The following ADGRB1 variants were observed in gnomAD, a reference collection of about 807,000 sequenced individuals.
ADGRB1 encodes the protein adhesion G protein-coupled receptor B1, also known as brain-specific angiogenesis inhibitor 1.
Under a neutral mutation model 175.7 loss-of-function variants are expected in ADGRB1, and 36 were observed. That is an observed-to-expected ratio of 0.20 (90% CI 0.16 to 0.27). ADGRB1 has a LOEUF of 0.27. Ranked by LOEUF, ADGRB1 falls within the 10% of genes least tolerant of loss-of-function variation. The probability of loss-of-function intolerance (pLI) is 1.00; values close to 1 mark genes in which losing one functional copy is unlikely to be tolerated. For synonymous variants in ADGRB1, 1,054 were observed against 979.4 expected (o/e 1.08, Z -1.42); for missense variants, 1,731 against 2,255.3 (o/e 0.77, Z 4.71).
chr8:142,542,343 A>G lies in ADGRB1; in HGVS notation c.4109A>G (p.Asp1370Gly), dbSNP rs1442718011. The G allele has an allele frequency of 6.3e-7, 1 of 1,597,140 alleles. No individual in the cohort carries two copies. Among genetic ancestry groups the G allele is most frequent in the Admixed American group, 1.7e-5 (1 of 57,642 alleles). The stretch of plus-strand genomic sequence containing the variant: ...GAGCCCAAGTACAGCATCCACATTG[A>G]CCAGATGCCGCAGACCCGCCTCATC... Reference protein sequence around the residue: ...KEEPKYSIHIDQMPQTRLIHL... With the variant: ...KEEPKYSIHIGQMPQTRLIHL... Residue 1370 changes from aspartate to glycine, a missense_variant, in exon 28 of 31, where the codon GAC becomes GGC. Asp to Gly is a moderately conservative substitution (Grantham distance 94). This residue lies in a region of ADGRB1 where 394 missense variants were observed against 410.2 expected (regional missense o/e 0.96). Transcript: ENST00000517894. The surrounding 1 kb of genome is among the most constrained non-coding windows in gnomAD (Gnocchi z 6.3).
At chr8:142,475,798 A>G (rs923400543) in intron 3 of ADGRB1, among the ~76,000 whole-genome samples, 163 bp downstream of exon 3, 1 of 3,854 alleles carries the variant, frequency 2.6e-4, no homozygotes, top group African/African-American at 9.7e-4. Flanking sequence ...GGGACCAGGT[A>G]GGGGCGGGGC....
intron 1 of ADGRB1, among the ~76,000 whole-genome samples, chr8:142,459,362 G>A (rs1839849766): frequency 6.6e-6 from 1 of 152,208 alleles, no homozygotes; most frequent in African/African-American, 2.4e-5. Flanking sequence ...TGTGGCCGAG[G>A]GGAGGAGGGT....
Position 142,477,259 on chromosome 8 carries a change from C to G in ADGRB1, c.1203C>G (p.Asn401Lys). 1 of 1,579,050 alleles carries G rather than the reference C, an allele frequency of 6.3e-7. No individual in the cohort carries two copies. The highest frequency in any genetic ancestry group is 1.1e-5 in the South Asian group (1 of 89,860). The change falls in exon 5 of 31, where the codon AAC becomes AAG. Residue 401 changes from asparagine (N) to lysine (K), a missense_variant. Physicochemically the swap from Asn to Lys is moderately conservative, Grantham distance 94. Coordinates refer to ENST00000517894, the MANE Select transcript of ADGRB1 (RefSeq NM_001702.3). Reference sequence around the variant, plus strand: ...CCCTGCGCGAGCAGCGGCTGTGCAACAACTCTGCCGTGTGCCCAGGTGGGT... The same window carrying G: ...CCCTGCGCGAGCAGCGGCTGTGCAAGAACTCTGCCGTGTGCCCAGGTGGGT... ...SGPLREQRLCNNSAVCPVHGA... is the reference protein window; with the variant it reads ...SGPLREQRLCKNSAVCPVHGA...
rs943315596 is a variant in ADGRB1, at chr8:142,544,206, G to C, written c.4558-14G>C. 3.9e-6 allele frequency: 6 copies of C among 1,547,934 alleles called. No homozygotes were observed. The highest frequency in any genetic ancestry group is 1.2e-5 in the South Asian group (1 of 83,934). Reference sequence around the variant, plus strand: ...CCGGGCCCCACCCCTCCTGCACCACGGGCCACCCAGCAGCCGGAAAAGCAG... The same window carrying C: ...CCGGGCCCCACCCCTCCTGCACCACCGGCCACCCAGCAGCCGGAAAAGCAG... On this transcript the variant is annotated splice_polypyrimidine_tract_variant and intron_variant, in intron 30 of 30. Coordinates refer to ENST00000517894, the MANE Select transcript of ADGRB1 (RefSeq NM_001702.3).
At chr8:142,483,717 C>CA in intron 11 of ADGRB1, among the ~76,000 whole-genome samples, 1 of 82,066 alleles carries the variant, frequency 1.2e-5, no homozygotes, top group Admixed American at 1.4e-4. Flanking sequence ...TGAACCCTGA[C>CA]CCTGGTCACA....
chr8:142,481,378 G>C lies in ADGRB1; in HGVS notation c.1935+18G>C, dbSNP rs370565382. Reference sequence around the variant, plus strand: ...AGATGATGGTGAGGGCCAGTTCCCGGGGGTCTCCAACCCCTCCCCAATCAC... The same window carrying C: ...AGATGATGGTGAGGGCCAGTTCCCGCGGGTCTCCAACCCCTCCCCAATCAC... On this transcript the variant is annotated intron_variant, in intron 10 of 30. Coordinates refer to ENST00000517894, the MANE Select transcript of ADGRB1 (RefSeq NM_001702.3). 1.0e-4 allele frequency: 168 copies of C among 1,612,732 alleles called. No homozygotes were observed. The highest frequency in any genetic ancestry group is 1.4e-4 in the Non-Finnish European group (166 of 1,179,256).
intron 17 of ADGRB1, among the ~76,000 whole-genome samples, chr8:142,499,585 C>T (rs892282218): frequency 7.4e-5 from 11 of 148,490 alleles, no homozygotes; most frequent in Non-Finnish European, 3.0e-5. Flanking sequence ...GGCCCAGAGG[C>T]GGAGTGCCGC....
At position 142,475,650 on chromosome 8, in the gene ADGRB1, G is replaced by A. The variant is rs1028676510; in HGVS notation, c.946+15G>A. 4.1e-6 allele frequency: 5 copies of A among 1,226,844 alleles called. No individual in the cohort carries two copies. The highest frequency in any genetic ancestry group is 8.5e-5 in the Admixed American group (2 of 23,514). The allele number at this position is 1,226,844 out of a possible 1,614,324, so 76.0% of individuals were successfully genotyped here. On this transcript the variant is annotated intron_variant, in intron 3 of 30. Transcript: ENST00000517894. Reference sequence around the variant, plus strand: ...GGCCTGCGGCCGTGAGTGCGGGCGGGGCGGGGCGGAGCCGGAGCCCTGGAG... The same window carrying A: ...GGCCTGCGGCCGTGAGTGCGGGCGGAGCGGGGCGGAGCCGGAGCCCTGGAG...
chr8:142,470,629 C>T (rs1335673561), intron 2 of ADGRB1, among the ~76,000 whole-genome samples: 1 of 152,136 alleles, frequency 6.6e-6, no homozygotes, highest in Non-Finnish European at 1.5e-5. Flanking sequence ...TGTGTGCGTC[C>T]TCTGTGTGCC....
chr8:142,464,074 CA>C lies in ADGRB1; in HGVS notation c.-124del. The C allele has an allele frequency of 1.7e-6, 1 of 595,572 alleles. No individual in the cohort carries two copies. Among genetic ancestry groups the C allele is most frequent in the Non-Finnish European group, 2.2e-6 (1 of 444,464 alleles). The allele number at this position is 595,572 out of a possible 1,614,324, so 36.9% of individuals were successfully genotyped here. On this transcript the variant is annotated 5_prime_UTR_variant, in exon 2 of 31. Coordinates refer to ENST00000517894, the MANE Select transcript of ADGRB1 (RefSeq NM_001702.3). Reference sequence around the variant, plus strand: ...CCTGAAGCGGGGCCCTCTCCCATCCCACCCTTGCCCCGCCTCCCTGCCCCCA... The same window carrying C: ...CCTGAAGCGGGGCCCTCTCCCATCCCCCCTTGCCCCGCCTCCCTGCCCCCA...
At position 142,489,110 on chromosome 8, in the gene ADGRB1, G is replaced by A; in HGVS notation, c.2528G>A (p.Arg843Lys). The A allele has an allele frequency of 6.2e-7, 1 of 1,604,608 alleles. No individual in the cohort carries two copies. Among genetic ancestry groups the A allele is most frequent in the Non-Finnish European group, 8.5e-7 (1 of 1,177,336 alleles). The part of the protein sequence containing the change: ...RNLGSFLALQ[R>K]NTTVLNSKVI... ...CTGGGCAGCTTCCTGGCCCTGCAGA[G>A]GTGGGGAGCCCTGGGCAGGTGGGGT... is the stretch of plus-strand genomic sequence containing the variant. The change falls in exon 15 of 31, where the codon AGG becomes AAG. Residue 843 changes from arginine to lysine, a missense_variant and splice_region_variant. Transcript: ENST00000517894.
chr8:142,465,062 T>G (rs879635976), intron 2 of ADGRB1, 80 bp downstream of exon 2: 110 of 445,340 alleles, frequency 2.5e-4, no homozygotes, highest in South Asian at 1.1e-3. Context: ...GGCGGGCGGA[T>G]GGGGGAAGTG....
rs961932046 is a variant in ADGRB1, at chr8:142,495,312, G to A, written c.2675+4497G>A. Among the ~76,000 whole-genome samples the A allele has an allele frequency of 2.6e-5, 4 of 152,056 alleles. No individual in the cohort carries two copies. The East Asian group carries it at 7.7e-4, about 29-fold the overall frequency. On this transcript the variant is annotated intron_variant, in intron 17 of 30. Transcript: ENST00000517894. ...CTGGCATGGGAAAGGGTGGGTGGGC[G>A]GACTGTGGATGACAGCATGCATGGA...
intron 20 of ADGRB1, among the ~76,000 whole-genome samples, chr8:142,521,197 C>T (rs1264977801): frequency 6.6e-6 from 1 of 152,206 alleles, no homozygotes; most frequent in African/African-American, 2.4e-5. Flanking sequence ...CAGCCCTGCC[C>T]ATCCCGCTGT....
chr8:142,505,270 A>T (rs1842797867), intron 17 of ADGRB1, among the ~76,000 whole-genome samples: 1 of 152,224 alleles, frequency 6.6e-6, no homozygotes, highest in East Asian at 1.9e-4. Context: ...CTGGACAAGC[A>T]TCGTCTAGGC....
At position 142,524,255 on chromosome 8, in the gene ADGRB1, AG is replaced by A; in HGVS notation, c.3269del (p.Gly1090AspfsTer16). The A allele has an allele frequency of 1.3e-6, 2 of 1,599,990 alleles. No individual in the cohort carries two copies. On this transcript the variant is annotated frameshift_variant, in exon 23 of 31. Transcript: ENST00000517894. LOFTEE classifies it high-confidence loss of function. ...CTCCCCAGCTGCTGGCTCTCCCTGG[AG>A]GGGGGACTGCTCTATGCCTTCGTGG... ...STMNYCWLSL[E>X]GGLLYAFVGP...
Position 142,542,154 on chromosome 8 carries a change from T to C in ADGRB1, c.3920T>C (p.Leu1307Pro), listed in dbSNP as rs1454073063. The change falls in exon 28 of 31, where the codon CTG becomes CCG. Residue 1307 changes from leucine to proline, a missense_variant. Leu to Pro is a moderately conservative substitution (Grantham distance 98). Transcript: ENST00000517894. This position sits in a 1 kb window ranked among gnomAD's most constrained non-coding sequence, Gnocchi z 6.3. ...CTGCCCGACTTCCCCAACCACTCAC[T>C]GACCCTCAAGAGGGACAAGGCGCCC... ...GPLPDFPNHS[L>P]TLKRDKAPKS... is the part of the protein sequence containing the mutation. The C allele has an allele frequency of 6.2e-7, 1 of 1,613,012 alleles. No individual in the cohort carries two copies. The highest frequency in any genetic ancestry group is 8.5e-7 in the Non-Finnish European group (1 of 1,179,676).
At chr8:142,501,048 A>T (rs1463751621) in intron 17 of ADGRB1, among the ~76,000 whole-genome samples, 1 of 152,098 alleles carries the variant, frequency 6.6e-6, no homozygotes, top group Admixed American at 6.6e-5. Context: ...AATGCTGGTG[A>T]CTGTTACCAG....
At chr8:142,518,421 G>GT (rs77312136) in intron 19 of ADGRB1, among the ~76,000 whole-genome samples, 180 bp downstream of exon 19, 146,351 of 152,080 alleles carry the variant, frequency 0.96, 70,481 homozygotes, top group East Asian at 1. Context: ...GCCTCCACAG[G>GT]TCCTGAGGCC....
Sources: gnomAD v4.1 joint callset for allele counts (sites outside exome capture counted in the v4.1 genomes callset) on GRCh38, gnomAD v4.1.1 for gene constraint, gnomAD v4.1.1 regional missense constraint, Gnocchi (gnomAD v3.1) non-coding constraint, MANE v1.5 for transcripts, NCBI Gene and HGNC (gene_info 2026-07-23, HGNC 2026-07-21) for gene names.